Variants in SLC29A2 observed in about 807,000 individuals in gnomAD.
SLC29A2 encodes the protein equilibrative nucleoside transporter 2.
A neutral mutation model predicts 48.8 loss-of-function variants in SLC29A2; 37 were observed. That is an observed-to-expected ratio of 0.76 (90% confidence interval 0.58 to 1.00). The LOEUF (loss-of-function observed/expected upper bound fraction) is 1.00. Among genes scored for constraint, SLC29A2 ranks in the 50% least tolerant of loss-of-function variants. The pLI is 0.00. For missense variants in SLC29A2, 533 were observed against 578.6 expected (o/e 0.92, Z 0.81); for synonymous variants, 233 against 261.7 (o/e 0.89, Z 1.06).
intron 1 of SLC29A2, 45 bp downstream of exon 1, chr11:66,371,518 T>G: frequency 6.5e-7 from 1 of 1,548,278 alleles, no homozygotes; most frequent in South Asian, 1.2e-5. Context: ...AGGGAGCGGG[T>G]CTGCAACGCC....
At chr11:66,368,465 C>T in intron 5 of SLC29A2, 72 bp downstream of exon 5, 10 of 1,590,874 alleles carry the variant, frequency 6.3e-6, no homozygotes, top group Admixed American at 1.7e-5. Context: ...ATGTGTCTTG[C>T]TCTCACATGC....
Position 66,363,205 on chromosome 11 carries a change from T to A in SLC29A2, c.*231A>T. 1.8e-6 allele frequency: 1 copy of A among 564,068 alleles called. No individual in the cohort carries two copies. Among genetic ancestry groups the A allele is most frequent in the Non-Finnish European group, 3.2e-6 (1 of 310,216 alleles). The allele number at this position is 564,068 out of a possible 1,614,324, so 34.9% of individuals were successfully genotyped here. A position where few individuals can be genotyped will look rare whatever the true frequency, so the allele number is the denominator to read the frequency against. On this transcript the variant is annotated 3_prime_UTR_variant, in exon 12 of 12. Transcript: ENST00000357440. ...AGTCATCACCCTTTCCATGAGGTCT[T>A]GTGCGAGTCACCCCCATTCCTGGGT... is the stretch of plus-strand genomic sequence containing the variant.
Position 66,371,672 on chromosome 11 carries a change from C to G in SLC29A2, c.-81G>C, listed in dbSNP as rs900578390. 7.1e-7 allele frequency: 1 copy of G among 1,418,188 alleles called. No individual in the cohort carries two copies. Among genetic ancestry groups the G allele is most frequent in the Non-Finnish European group, 9.5e-7 (1 of 1,049,136 alleles). 87.9% of individuals were successfully genotyped at this position (1,418,188 alleles called of 1,614,324 possible). ...CTGCGCTGGGGCGGAGGGCCGCAGA[C>G]CGGTGGGGCGGGGGGCGGGTCTCCC... On this transcript the variant is annotated 5_prime_UTR_variant, in exon 1 of 12. Transcript: ENST00000357440.
chr11:66,367,880 A>G lies in SLC29A2; in HGVS notation c.551-11T>C. Reference sequence around the variant, plus strand: ...CGGCGTCCACGCCACCTGCGGAGGAACTTCAGCTGCAGAAGAGAGGCACCT... The same window carrying G: ...CGGCGTCCACGCCACCTGCGGAGGAGCTTCAGCTGCAGAAGAGAGGCACCT... On this transcript the variant is annotated splice_polypyrimidine_tract_variant and intron_variant, in intron 5 of 11. Coordinates refer to ENST00000357440, the MANE Select transcript of SLC29A2 (RefSeq NM_001532.3). 6.2e-7 allele frequency: 1 copy of G among 1,612,374 alleles called. No individual in the cohort carries two copies. Among genetic ancestry groups the G allele is most frequent in the Non-Finnish European group, 8.5e-7 (1 of 1,178,728 alleles).
intron 2 of SLC29A2, 27 bp from the exon 3 acceptor site, chr11:66,369,559 T>C (rs1193368747): frequency 1.2e-6 from 2 of 1,611,960 alleles, no homozygotes; most frequent in Non-Finnish European, 1.7e-6. Context: ...TGGTGGAGGG[T>C]CAGCACCTCT....
At position 66,367,497 on chromosome 11, in the gene SLC29A2, C is replaced by G; in HGVS notation, c.700G>C (p.Glu234Gln). ...ANKSSQAQAQ[E>Q]LETKAELLQS... is the part of the protein sequence containing the mutation. ...AGGAGCTCAGCTTTGGTCTCCAGCT[C>G]CTGAGCTTGGGCCTGGGATGATTTA... The change falls in exon 7 of 12, where the codon GAG (glutamate) becomes CAG (glutamine). Residue 234 changes from glutamate to glutamine, a missense_variant. Coordinates refer to ENST00000357440, the MANE Select transcript of SLC29A2 (RefSeq NM_001532.3). 6.2e-7 allele frequency: 1 copy of G among 1,614,150 alleles called. No individual in the cohort carries two copies. Among genetic ancestry groups the G allele is most frequent in the Non-Finnish European group, 8.5e-7 (1 of 1,180,026 alleles).
upstream of SLC29A2, chr11:66,371,812 C>G: frequency 1.8e-6 from 1 of 565,248 alleles, no homozygotes; most frequent in Non-Finnish European, 3.1e-6. Context: ...GACAGAGGGT[C>G]GCGCCACCCG....
chr11:66,371,379 C>T, intron 1 of SLC29A2, 54 bp from the exon 2 acceptor site: 2 of 1,584,194 alleles, frequency 1.3e-6, no homozygotes, highest in Non-Finnish European at 1.7e-6. Context: ...TCCGCAGGCC[C>T]TCCCGCCTCC....
At chr11:66,365,696 C>T (rs1324632759) in intron 10 of SLC29A2, among the ~76,000 whole-genome samples, 1 of 152,234 alleles carries the variant, frequency 6.6e-6, no homozygotes, top group Non-Finnish European at 1.5e-5. Flanking sequence ...ATTCTCTGAG[C>T]AGCAAAGGCT....
chr11:66,367,629 G>C, intron 6 of SLC29A2, 81 bp from the exon 7 acceptor site: 1 of 1,551,450 alleles, frequency 6.4e-7, no homozygotes, highest in Admixed American at 1.7e-5. Context: ...TGGCCTGGAG[G>C]CTGGGGCCCC....
rs1448366356 is a variant in SLC29A2, at chr11:66,366,578, G to T, written c.734-14C>A. On this transcript the variant is annotated splice_polypyrimidine_tract_variant and intron_variant, in intron 7 of 11. Coordinates refer to ENST00000357440, the MANE Select transcript of SLC29A2 (RefSeq NM_001532.3). ...TCCCGTTCTCATCTGGGGTGAGGGG[G>T]GACGGGGAAGGGTCATGCTTGTGAC... 1.2e-5 allele frequency: 19 copies of T among 1,612,654 alleles called. No individual in the cohort carries two copies. The highest frequency in any genetic ancestry group is 1.5e-5 in the Non-Finnish European group (18 of 1,179,830).
Position 66,364,357 on chromosome 11 carries a change from A to G in SLC29A2, c.1127T>C (p.Met376Thr). Residue 376 changes from methionine to threonine, a missense_variant, in exon 11 of 12, where the codon ATG (methionine) becomes ACG (threonine). Physicochemically the swap from Met to Thr is moderately conservative, Grantham distance 81 (BLOSUM62 -1). Coordinates refer to ENST00000357440, the MANE Select transcript of SLC29A2 (RefSeq NM_001532.3). Reference sequence around the variant, plus strand: ...GGACCTCTGGGGCACGTGGCACAGCATGAAGAGGGGCACGAACAGGAACCG... The same window carrying G: ...GGACCTCTGGGGCACGTGGCACAGCGTGAAGAGGGGCACGAACAGGAACCG... ...CLRFLFVPLF[M>T]LCHVPQRSRL... 1 of 1,614,114 alleles carries G rather than the reference A, an allele frequency of 6.2e-7. No individual in the cohort carries two copies. The highest frequency in any genetic ancestry group is 8.5e-7 in the Non-Finnish European group (1 of 1,180,016).
upstream of SLC29A2, chr11:66,371,902 G>T (rs1856070961): frequency 8.7e-6 from 4 of 462,332 alleles, no homozygotes; most frequent in Middle Eastern, 5.7e-4. Context: ...GAACCCGCCC[G>T]CTCCCCGCAC....
intron 11 of SLC29A2, 22 bp downstream of exon 11, chr11:66,364,198 CCCCCA>C (rs987900674): frequency 8.5e-6 from 13 of 1,532,996 alleles, no homozygotes; most frequent in Non-Finnish European, 8.9e-6. Flanking sequence ...TACTCCCAGC[CCCCCA>C]CCCCACCCCA....
At chr11:66,364,510 T>C in intron 10 of SLC29A2, 86 bp from the exon 11 acceptor site, 2 of 997,932 alleles carry the variant, frequency 2.0e-6, no homozygotes, top group East Asian at 2.6e-5. Context: ...GTACTTTTTT[T>C]TTTTTTTTTT....
chr11:66,371,277 G>A lies in SLC29A2; in HGVS notation c.78C>T (p.Leu26=). Residue 26 remains leucine (L), a synonymous_variant, in exon 2 of 12, where the codon CTC becomes CTT. Coordinates refer to ENST00000357440, the MANE Select transcript of SLC29A2 (RefSeq NM_001532.3). ...CGGTGATGAAGAAGTTCCAGGGAAG[G>A]AGGGTGCCCAGCCCCAGGATGAAGA... ...ISFFILGLGT[L]LPWNFFITAI... 1.2e-6 allele frequency: 2 copies of A among 1,613,920 alleles called. No individual in the cohort carries two copies. Among genetic ancestry groups the A allele is most frequent in the Non-Finnish European group, 1.7e-6 (2 of 1,180,016 alleles).
chr11:66,365,927 T>A lies in SLC29A2; in HGVS notation c.1059+9A>T, dbSNP rs974846565. 6.2e-7 allele frequency: 1 copy of A among 1,612,282 alleles called. No homozygotes were observed. ...AAAACATCGGATCACCCAGCCCTGG[T>A]GTGCTTACCCACAGGAAGTAAGAGG... On this transcript the variant is annotated intron_variant, in intron 10 of 11. Coordinates refer to ENST00000357440, the MANE Select transcript of SLC29A2 (RefSeq NM_001532.3).
chr11:66,365,219 T>C (rs1378469399), intron 10 of SLC29A2, among the ~76,000 whole-genome samples: 1 of 152,130 alleles, frequency 6.6e-6, no homozygotes, highest in Non-Finnish European at 1.5e-5. Flanking sequence ...AGTGCTAGGA[T>C]TATAGGTGTG....
At chr11:66,364,202 CA>C in intron 11 of SLC29A2, 22 bp downstream of exon 11, 2 of 1,549,208 alleles carry the variant, frequency 1.3e-6, no homozygotes, top group Non-Finnish European at 1.8e-6. Flanking sequence ...CCCAGCCCCC[CA>C]CCCCACCCCA....
Sources: gnomAD v4.1 joint callset for allele counts (sites outside exome capture counted in the v4.1 genomes callset) on GRCh38, gnomAD v4.1.1 for gene constraint, MANE v1.5 for transcripts, NCBI Gene and HGNC (gene_info 2026-07-23, HGNC 2026-07-21) for gene names.